The following SKI variants were observed in gnomAD, a reference collection of about 807,000 sequenced individuals.
SKI encodes the protein SKI proto-oncogene, also known as ski oncogene.
A neutral mutation model predicts 59.3 loss-of-function variants in SKI; 23 were observed. The observed-to-expected ratio is 0.39, with a 90% CI of 0.28 to 0.55. The LOEUF (loss-of-function observed/expected upper bound fraction) is 0.55. Ranked by LOEUF, SKI falls within the 20% of genes least tolerant of loss-of-function variation. The pLI, the probability that SKI is intolerant of heterozygous loss-of-function variation, is 0.67. For synonymous variants in SKI, 673 were observed against 488.6 expected, an observed-to-expected ratio of 1.38 and a Z score of -4.98; for missense variants, 1,017 against 1,038.9, an observed-to-expected ratio of 0.98 and a Z score of 0.29.
At chr1:2,293,290 G>A (rs1020399584) in intron 1 of SKI, among the ~76,000 whole-genome samples, 1 of 152,190 alleles carries the variant, frequency 6.6e-6, no homozygotes, top group Non-Finnish European at 1.5e-5. Context: ...ATCCACCGGC[G>A]TGGCCCTGGG....
At chr1:2,243,181 T>G (rs1638917534) in intron 1 of SKI, among the ~76,000 whole-genome samples, 1 of 152,252 alleles carries the variant, frequency 6.6e-6, no homozygotes, top group Non-Finnish European at 1.5e-5. Context: ...TGGAACTTAC[T>G]TAGTGTCTGG....
intron 1 of SKI, among the ~76,000 whole-genome samples, chr1:2,273,952 G>A (rs1243954504): frequency 6.6e-6 from 1 of 152,120 alleles, no homozygotes; most frequent in East Asian, 1.9e-4. Flanking sequence ...CTCCCTGACC[G>A]GCAGCGCCAG....
At position 2,274,947 on chromosome 1, in the gene SKI, G is replaced by A. The variant is rs536228551; in HGVS notation, c.970-28031G>A. ...GGCACTCCAATTGTTTGGGGCCTTC[G>A]CTGTCCCTTGCTGTCTGTGCTGGTC... On this transcript the variant is annotated intron_variant, in intron 1 of 6. Transcript: ENST00000378536. 7.2e-5 allele frequency among the ~76,000 whole-genome samples: 11 copies of A among 152,308 alleles called. No homozygotes were observed. In the South Asian group the frequency reaches 1.0e-3, roughly 14 times the overall value.
At chr1:2,273,096 G>A (rs971363251) in intron 1 of SKI, among the ~76,000 whole-genome samples, 18 of 152,234 alleles carry the variant, frequency 1.2e-4, no homozygotes, top group Admixed American at 1.0e-3. Flanking sequence ...GATGGCTTCC[G>A]AGGCCATTTG....
chr1:2,299,223 G>A (rs1640362589), intron 1 of SKI, among the ~76,000 whole-genome samples: 1 of 150,270 alleles, frequency 6.7e-6, no homozygotes, highest in Non-Finnish European at 1.5e-5. Context: ...CATCAGCTCG[G>A]GGACCCGAGT....
At chr1:2,282,436 G>A (rs548327579) in intron 1 of SKI, among the ~76,000 whole-genome samples, 13 of 97,664 alleles carry the variant, frequency 1.3e-4, no homozygotes, top group African/African-American at 2.8e-4. Context: ...GAAGACAGGC[G>A]GTGGCGGAGA....
intron 1 of SKI, among the ~76,000 whole-genome samples, chr1:2,247,119 T>C (rs1361941581): frequency 6.6e-6 from 1 of 152,220 alleles, no homozygotes; most frequent in Non-Finnish European, 1.5e-5. Context: ...CTTGGGAGGC[T>C]GAGGCAGGAG....
At chr1:2,300,808 T>A (rs1640405153) in intron 1 of SKI, among the ~76,000 whole-genome samples, 1 of 152,068 alleles carries the variant, frequency 6.6e-6, no homozygotes, top group Admixed American at 6.5e-5. Context: ...GCCCCAAGGA[T>A]GGCCCTGAGC....
rs1638555878 is a variant in SKI at position 2,228,634 on chromosome 1, C to T, written c.-133C>T. 7.3e-6 allele frequency: 2 copies of T among 273,040 alleles called. No individual in the cohort carries two copies. Among genetic ancestry groups the T allele is most frequent in the African/African-American group, 2.4e-5 (1 of 42,096 alleles). 16.9% of individuals were successfully genotyped at this position (273,040 alleles called of 1,614,324 possible). On this transcript the variant is annotated 5_prime_UTR_variant, in exon 1 of 7. Coordinates refer to ENST00000378536, the MANE Select transcript of SKI (RefSeq NM_003036.4). The stretch of plus-strand genomic sequence containing the variant: ...CCCCGGGCGAGGCCGCGGCCGTGAT[C>T]GGCCGTGAGCCGGCGGCGGGGGGCG...
chr1:2,306,284 G>C (rs912845118), intron 6 of SKI, 34 bp downstream of exon 6: 8 of 1,509,360 alleles, frequency 5.3e-6, no homozygotes, highest in East Asian at 2.5e-5. Flanking sequence ...CACGCAGCAC[G>C]GTGGGCGTGG....
intron 1 of SKI, among the ~76,000 whole-genome samples, chr1:2,301,857 G>C (rs1291386138): frequency 6.6e-6 from 1 of 152,262 alleles, no homozygotes; most frequent in Non-Finnish European, 1.5e-5. Flanking sequence ...CCCTTGCCCT[G>C]TGTGGCCTGT....
At chr1:2,264,653 G>C (rs1639460913) in intron 1 of SKI, among the ~76,000 whole-genome samples, 1 of 152,030 alleles carries the variant, frequency 6.6e-6, no homozygotes, top group Non-Finnish European at 1.5e-5. Flanking sequence ...GCCCTCCCCA[G>C]CTTCCCATAG....
At chr1:2,285,850 G>A (rs1262970358) in intron 1 of SKI, among the ~76,000 whole-genome samples, 1 of 147,658 alleles carries the variant, frequency 6.8e-6, no homozygotes, top group Non-Finnish European at 1.5e-5. Context: ...ACAGGCGTGA[G>A]CCACCGCACC....
intron 1 of SKI, among the ~76,000 whole-genome samples, chr1:2,277,251 GC>G (rs1364033360): frequency 1.3e-5 from 2 of 152,096 alleles, no homozygotes; most frequent in Non-Finnish European, 2.9e-5. Context: ...ATGCTACCAT[GC>G]CCAGCTAATT....
In SKI at chr1:2,268,087, GC is replaced by G. The variant is rs1389288341; in HGVS notation, c.970-34888del. Reference sequence around the variant, plus strand: ...CCCAACAGCACTGCGTGGAGCTGGTGCCCACCCCTGTGGTCAGATGCATGGC... The same window carrying G: ...CCCAACAGCACTGCGTGGAGCTGGTGCCACCCCTGTGGTCAGATGCATGGC... On this transcript the variant is annotated intron_variant, in intron 1 of 6. Transcript: ENST00000378536. The surrounding 1 kb of genome is among the most constrained non-coding windows in gnomAD (Gnocchi z 5.0). Among the ~76,000 whole-genome samples, 1 of 152,216 alleles carries G rather than the reference GC, an allele frequency of 6.6e-6. No individual in the cohort carries two copies. Among genetic ancestry groups the G allele is most frequent in the African/African-American group, 2.4e-5 (1 of 41,478 alleles).
At chr1:2,234,963 A>T (rs1638721405) in intron 1 of SKI, among the ~76,000 whole-genome samples, 1 of 151,646 alleles carries the variant, frequency 6.6e-6, no homozygotes. Flanking sequence ...CCTGGCCTCC[A>T]GAGCGGGTGG....
chr1:2,284,640 C>T (rs1246051011), intron 1 of SKI, among the ~76,000 whole-genome samples: 1 of 152,168 alleles, frequency 6.6e-6, no homozygotes, highest in Non-Finnish European at 1.5e-5. Context: ...TGTGGACCTC[C>T]TGTGACTGCA....
At chr1:2,254,294 C>T (rs1440045565) in intron 1 of SKI, among the ~76,000 whole-genome samples, 3 of 152,022 alleles carry the variant, frequency 2.0e-5, no homozygotes, top group Non-Finnish European at 2.9e-5. Flanking sequence ...GCGTGGTGCC[C>T]GTTGGAGGGG....
At chr1:2,262,600 GGATTTGGCACCGTC>G (rs1486619883) in intron 1 of SKI, among the ~76,000 whole-genome samples, 3 of 152,240 alleles carry the variant, frequency 2.0e-5, no homozygotes, top group African/African-American at 7.2e-5. Context: ...CTCCTGATCT[GGATTTGGCACCGTC>G]GAGTGTGATG....
Sources: allele counts gnomAD v4.1 joint callset (sites outside exome capture counted in the v4.1 genomes callset), GRCh38; gene constraint gnomAD v4.1.1; non-coding constraint Gnocchi (gnomAD v3.1); transcripts MANE v1.5; gene names NCBI Gene and HGNC (gene_info 2026-07-23, HGNC 2026-07-21).